RIMS1: variants seen among roughly 807,000 people sequenced by gnomAD.
RIMS1 encodes the protein regulating synaptic membrane exocytosis 1, also known as regulating synaptic membrane exocytosis protein 1.
In RIMS1, 83 loss-of-function variants were observed where a neutral mutation model predicts 214.1. The ratio of observed to expected loss-of-function variants is 0.39; its 90% confidence interval spans 0.32 to 0.47. The LOEUF is 0.47. RIMS1 is among the 20% of genes least tolerant of loss of function. RIMS1 has a pLI of 0.99. For synonymous variants in RIMS1, 793 were observed against 786.8 expected (o/e 1.01, Z -0.13); for missense variants, 2,050 against 2,161.8 (o/e 0.95, Z 1.03).
At chr6:72,019,105 A>C (rs1813726625) in intron 2 of RIMS1, among the ~76,000 whole-genome samples, 1 of 152,164 alleles carries the variant, frequency 6.6e-6, no homozygotes, top group Non-Finnish European at 1.5e-5. Context: ...ATATTTTCAT[A>C]CTAAAAATTC....
chr6:72,289,018 T>A (rs988602182), intron 24 of RIMS1, among the ~76,000 whole-genome samples: 1 of 152,238 alleles, frequency 6.6e-6, no homozygotes, highest in Non-Finnish European at 1.5e-5. Context: ...GGAAGCCATT[T>A]ATTTGCTCCT....
At chr6:72,044,355 G>C (rs1822348466) in intron 2 of RIMS1, among the ~76,000 whole-genome samples, 2 of 151,600 alleles carry the variant, frequency 1.3e-5, no homozygotes, top group Non-Finnish European at 3.0e-5. Context: ...GGCCACAAAA[G>C]CATAAAACAT....
At chr6:72,057,530 T>A (rs1292231429) in intron 2 of RIMS1, among the ~76,000 whole-genome samples, 2 of 146,958 alleles carry the variant, frequency 1.4e-5, no homozygotes, top group Non-Finnish European at 3.0e-5. Context: ...TTTTTTGAGA[T>A]GGAGTCTCGC....
chr6:72,250,439 T>A lies in RIMS1; in HGVS notation c.2351T>A (p.Met784Lys). 6.3e-7 allele frequency: 1 copy of A among 1,594,372 alleles called. No homozygotes were observed. ...DGRPRNPYVKMYFLPDRSDKS... is the reference protein window; with the variant it reads ...DGRPRNPYVKKYFLPDRSDKS... ...CGTCCTCGAAATCCCTATGTAAAAA[T>A]GTATTTTCTTCCAGATAGAAGGTAG... Residue 784 changes from methionine (M) to lysine (K), a missense_variant, in exon 13 of 34, where the codon ATG becomes AAG. Coordinates refer to ENST00000521978, the MANE Select transcript of RIMS1 (RefSeq NM_014989.7).
chr6:72,364,418 C>T (rs575040723), intron 29 of RIMS1, among the ~76,000 whole-genome samples: 1 of 152,212 alleles, frequency 6.6e-6, no homozygotes, highest in African/African-American at 2.4e-5. Context: ...GTGCAGTCCC[C>T]GCATGCTACC....
At chr6:72,137,147 C>T (rs995676553) in intron 4 of RIMS1, among the ~76,000 whole-genome samples, 5 of 151,908 alleles carry the variant, frequency 3.3e-5, no homozygotes, top group Admixed American at 6.6e-5. Flanking sequence ...TGAAAAATCC[C>T]ATATGTATAT....
chr6:72,186,779 A>C (rs868101588), intron 6 of RIMS1, among the ~76,000 whole-genome samples: 9 of 148,412 alleles, frequency 6.1e-5, no homozygotes, highest in African/African-American at 1.7e-4. Flanking sequence ...GTATATATGT[A>C]CCCCCCCCCA....
chr6:72,054,627 C>T (rs560493678), intron 2 of RIMS1, among the ~76,000 whole-genome samples: 36 of 152,178 alleles, frequency 2.4e-4, no homozygotes, highest in African/African-American at 7.9e-4. Flanking sequence ...TTCTGACTGG[C>T]ATGAGATGGC....
intron 1 of RIMS1, among the ~76,000 whole-genome samples, chr6:71,964,626 G>A (rs535754591): frequency 6.6e-6 from 1 of 152,244 alleles, no homozygotes; most frequent in East Asian, 1.9e-4. Flanking sequence ...TGAACTGCTG[G>A]AGAAATGTAG....
At position 72,401,092 on chromosome 6, in the gene RIMS1, CA is replaced by C. The variant is rs2098832565; in HGVS notation, c.*380del. On this transcript the variant is annotated 3_prime_UTR_variant, in exon 34 of 34. Coordinates refer to ENST00000521978, the MANE Select transcript of RIMS1 (RefSeq NM_014989.7). ...ATTCTACACATTTCTGCACAGACCA[CA>C]AGCAGTGTTATTTCCCTGATGTTTG... 6.0e-6 allele frequency: 1 copy of C among 167,990 alleles called. No homozygotes were observed. The highest frequency in any genetic ancestry group is 1.6e-4 in the East Asian group (1 of 6,314). 10.4% of individuals were successfully genotyped at this position (167,990 alleles called of 1,614,324 possible).
At chr6:72,195,503 A>T (rs1181963477) in intron 6 of RIMS1, among the ~76,000 whole-genome samples, 17 of 152,176 alleles carry the variant, frequency 1.1e-4, no homozygotes, top group Admixed American at 1.1e-3. Flanking sequence ...CTAAATATAG[A>T]GATGGTGTTA....
chr6:71,909,675 T>C (rs1776317281), intron 1 of RIMS1, among the ~76,000 whole-genome samples: 1 of 152,208 alleles, frequency 6.6e-6, no homozygotes, highest in Non-Finnish European at 1.5e-5. Context: ...TGTAACTTAC[T>C]GCCAAGCCTA....
At chr6:72,342,611 A>AAGAGTAAGATGTAAGAGTAAGAGAT (rs1286580827) in intron 29 of RIMS1, among the ~76,000 whole-genome samples, 5 of 147,634 alleles carry the variant, frequency 3.4e-5, no homozygotes, top group African/African-American at 1.2e-4. Context: ...TTGAGGGAGT[A>AAGAGTAAGATGTAAGAGTAAGAGAT]GTAAGAGTAA....
intron 2 of RIMS1, among the ~76,000 whole-genome samples, chr6:72,072,222 T>C (rs1270931651): frequency 6.6e-6 from 1 of 152,196 alleles, no homozygotes; most frequent in African/African-American, 2.4e-5. Context: ...AATTTTGTTG[T>C]ATTATGCACA....
intron 3 of RIMS1, among the ~76,000 whole-genome samples, chr6:72,097,577 G>A (rs552118644): frequency 6.6e-6 from 1 of 152,232 alleles, no homozygotes; most frequent in African/African-American, 2.4e-5. Flanking sequence ...CAAAATAACT[G>A]AATGTCATAT....
At chr6:71,916,084 A>G (rs1778327424) in intron 1 of RIMS1, among the ~76,000 whole-genome samples, 1 of 152,126 alleles carries the variant, frequency 6.6e-6, no homozygotes, top group African/African-American at 2.4e-5. Context: ...GTGGGGACAC[A>G]GCCAAACCAT....
intron 1 of RIMS1, among the ~76,000 whole-genome samples, chr6:71,940,430 T>C (rs1785712326): frequency 6.6e-6 from 1 of 151,952 alleles, no homozygotes; most frequent in South Asian, 2.1e-4. Context: ...GATGGAAGAG[T>C]GAAGAAGAAT....
intron 29 of RIMS1, among the ~76,000 whole-genome samples, chr6:72,366,267 A>G (rs935864805): frequency 1.3e-5 from 2 of 152,210 alleles, no homozygotes; most frequent in Admixed American, 6.5e-5. Context: ...TAAGTGTATT[A>G]AATGTGTATT....
At chr6:72,380,035 T>C (rs1595819187) in intron 29 of RIMS1, among the ~76,000 whole-genome samples, 2 of 152,214 alleles carry the variant, frequency 1.3e-5, no homozygotes, top group Non-Finnish European at 2.9e-5. Flanking sequence ...TAAGAAAATA[T>C]GGCACATATA....
Sources: gnomAD v4.1 joint callset for allele counts (sites outside exome capture counted in the v4.1 genomes callset) on GRCh38, gnomAD v4.1.1 for gene constraint, MANE v1.5 for transcripts, NCBI Gene and HGNC (gene_info 2026-07-23, HGNC 2026-07-21) for gene names.